Variants in DLG2 observed in about 807,000 individuals in gnomAD.
DLG2 encodes the protein disks large homolog 2.
DLG2 carries 45 observed loss-of-function variants against 132.5 expected under a neutral mutation model. The observed-to-expected ratio is 0.34, with a 90% CI of 0.27 to 0.44. The LOEUF (loss-of-function observed/expected upper bound fraction) is 0.44, where lower values mean the gene tolerates loss of function less well. Among genes scored for constraint, DLG2 ranks in the 20% least tolerant of loss-of-function variants. DLG2 has a pLI of 1.00. For synonymous variants in DLG2, 424 were observed against 419.6 expected, an observed-to-expected ratio of 1.01 and a Z score of -0.13; for missense variants, 1,045 against 1,196.9, an observed-to-expected ratio of 0.87 and a Z score of 1.87.
chr11:84,069,884 T>C (rs2154142747), intron 10 of DLG2, among the ~76,000 whole-genome samples: 1 of 152,338 alleles, frequency 6.6e-6, no homozygotes, highest in South Asian at 2.1e-4. Flanking sequence ...GAGAGGGTCA[T>C]GGGACTGGAG....
chr11:85,195,089 C>T (rs986883186), intron 4 of DLG2, among the ~76,000 whole-genome samples: 4 of 152,182 alleles, frequency 2.6e-5, no homozygotes, highest in African/African-American at 9.7e-5. Context: ...GAACAAGGGA[C>T]AGCATCTAAA....
At chr11:84,178,791 T>C (rs557083811) in intron 8 of DLG2, among the ~76,000 whole-genome samples, 1 of 151,704 alleles carries the variant, frequency 6.6e-6, no homozygotes, top group Non-Finnish European at 1.5e-5. Flanking sequence ...AGCTATATAC[T>C]GCAGGGGAAA....
Position 83,726,297 on chromosome 11 carries a change from G to A in DLG2, c.1825+60393C>T, listed in dbSNP as rs147952036. On this transcript the variant is annotated intron_variant, in intron 18 of 27. Transcript: ENST00000376104. ...ACAAAGGGCTTCCCTCGATGGGATT[G>A]AAAGCTGTGGAAGTCTCCAGGGTTT... Among the ~76,000 whole-genome samples, 392 of 152,260 alleles carry A rather than the reference G, an allele frequency of 2.6e-3. 3 individuals carry two copies. Among genetic ancestry groups the A allele is most frequent in the African/African-American group, 8.8e-3 (366 of 41,554 alleles).
At chr11:83,785,652 T>C (rs1347036507) in intron 18 of DLG2, among the ~76,000 whole-genome samples, 1 of 152,268 alleles carries the variant, frequency 6.6e-6, no homozygotes, top group East Asian at 1.9e-4. Context: ...ATATTTTCTT[T>C]ATTCATGGGC....
At chr11:83,586,711 G>A (rs1425734489) in intron 19 of DLG2, among the ~76,000 whole-genome samples, 1 of 152,092 alleles carries the variant, frequency 6.6e-6, no homozygotes, top group East Asian at 1.9e-4. Context: ...AACATTTTTT[G>A]AGAGAGAATA....
chr11:84,032,347 T>C (rs1359834242), intron 11 of DLG2, among the ~76,000 whole-genome samples: 1 of 152,166 alleles, frequency 6.6e-6, no homozygotes, highest in African/African-American at 2.4e-5. Flanking sequence ...AAAAGAGCTT[T>C]ATCACTGATG....
At chr11:84,993,060 T>C (rs898911961) in intron 6 of DLG2, among the ~76,000 whole-genome samples, 2 of 152,106 alleles carry the variant, frequency 1.3e-5, no homozygotes, top group Non-Finnish European at 2.9e-5. Context: ...ATAAAGCAAA[T>C]GTGGCACATA....
chr11:84,316,651 C>T (rs2098359283), intron 7 of DLG2, among the ~76,000 whole-genome samples: 1 of 152,084 alleles, frequency 6.6e-6, no homozygotes, highest in Non-Finnish European at 1.5e-5. Context: ...TCACAGGCCA[C>T]CAGAGGTATG....
intron 6 of DLG2, among the ~76,000 whole-genome samples, chr11:84,733,902 C>G (rs1442090606): frequency 6.6e-6 from 1 of 152,232 alleles, no homozygotes; most frequent in African/African-American, 2.4e-5. Flanking sequence ...AGAATCCTTT[C>G]CCCATTTCTT....
chr11:83,897,464 T>C (rs2072099473), intron 15 of DLG2, among the ~76,000 whole-genome samples: 1 of 152,198 alleles, frequency 6.6e-6, no homozygotes, highest in South Asian at 2.1e-4. Flanking sequence ...AGGACCCAAA[T>C]TGTGTATTCT....
At chr11:84,106,977 AGG>A (rs1555348650) in intron 9 of DLG2, among the ~76,000 whole-genome samples, 1,701 of 97,506 alleles carry the variant, frequency 0.017, 47 homozygotes, top group African/African-American at 0.063. Context: ...TTTTAGCCTT[AGG>A]GTGTGTGTGT....
chr11:84,397,800 G>A (rs1427733780), intron 7 of DLG2, among the ~76,000 whole-genome samples: 1 of 152,200 alleles, frequency 6.6e-6, no homozygotes, highest in Non-Finnish European at 1.5e-5. Context: ...CTAATGTCAT[G>A]CTGACATTTC....
chr11:83,745,112 C>T (rs773958135), intron 18 of DLG2, among the ~76,000 whole-genome samples: 2 of 152,132 alleles, frequency 1.3e-5, no homozygotes, highest in African/African-American at 2.4e-5. Flanking sequence ...CCATGCATCG[C>T]GATCAACTCA....
At chr11:84,711,023 TATATATATA>T (rs2060342293) in intron 6 of DLG2, among the ~76,000 whole-genome samples, 1 of 98,236 alleles carries the variant, frequency 1.0e-5, no homozygotes, top group Non-Finnish European at 2.3e-5. Flanking sequence ...TATATATATA[TATATATATA>T]GAGCTGAAAA....
At chr11:85,463,313 G>C (rs1470444536) in intron 3 of DLG2, among the ~76,000 whole-genome samples, 1 of 152,090 alleles carries the variant, frequency 6.6e-6, no homozygotes, top group African/African-American at 2.4e-5. Flanking sequence ...AAGAAAACTA[G>C]GCAATACTGT....
intron 6 of DLG2, among the ~76,000 whole-genome samples, chr11:84,828,360 A>C (rs11234195): frequency 0.28 from 42,232 of 151,766 alleles, 6,373 homozygotes; most frequent in Middle Eastern, 0.33. Flanking sequence ...GAAGATACTC[A>C]AGACAGGAAG....
At chr11:85,560,217 A>G (rs1380536714) in intron 3 of DLG2, among the ~76,000 whole-genome samples, 1 of 151,810 alleles carries the variant, frequency 6.6e-6, no homozygotes, top group Admixed American at 6.6e-5. Flanking sequence ...ACAACCTAGA[A>G]ATTTCCCATC....
chr11:84,337,660 TAGG>T (rs2098493438), intron 7 of DLG2, among the ~76,000 whole-genome samples: 1 of 152,212 alleles, frequency 6.6e-6, no homozygotes, highest in Admixed American at 6.5e-5. Flanking sequence ...TACCTCTGAC[TAGG>T]TCTCCCATCT....
chr11:85,314,891 T>C (rs887340025), intron 3 of DLG2, among the ~76,000 whole-genome samples: 3 of 151,908 alleles, frequency 2.0e-5, no homozygotes, highest in African/African-American at 4.8e-5. Flanking sequence ...ACAGAACCAG[T>C]TCCCCCATAC....
Sources: allele counts gnomAD v4.1 joint callset (sites outside exome capture counted in the v4.1 genomes callset), GRCh38; gene constraint gnomAD v4.1.1; transcripts MANE v1.5; gene names NCBI Gene and HGNC (gene_info 2026-07-23, HGNC 2026-07-21).